The following RMDN2 variants were observed in gnomAD, a reference collection of about 807,000 sequenced individuals.
RMDN2 encodes the protein regulator of microtubule dynamics 2.
In RMDN2, 61 loss-of-function variants were observed where a neutral mutation model predicts 52.8. The observed-to-expected ratio is 1.16, with a 90% CI of 0.94 to 1.43. The LOEUF is 1.43. Ranked by LOEUF, RMDN2 falls within the 40% of genes most tolerant of loss-of-function variation. The probability of loss-of-function intolerance (pLI) is 0.00; values close to 1 mark genes in which losing one functional copy is unlikely to be tolerated. For synonymous variants in RMDN2, 180 were observed against 153.1 expected (o/e 1.18, Z -1.30); for missense variants, 592 against 475.3 (o/e 1.25, Z -2.28).
intron 5 of RMDN2, among the ~76,000 whole-genome samples, chr2:37,987,783 G>C (rs573820265): frequency 6.6e-6 from 1 of 152,306 alleles, no homozygotes; most frequent in Non-Finnish European, 1.5e-5. Context: ...AGTTGGCCAG[G>C]CACAGTGGCT....
intron 10 of RMDN2, among the ~76,000 whole-genome samples, chr2:38,014,642 G>A (rs985411101): frequency 2.0e-5 from 3 of 152,170 alleles, no homozygotes; most frequent in African/African-American, 4.8e-5. Context: ...CTTTAGCAGA[G>A]AGCATTGATG....
chr2:38,060,448 A>G (rs1682003466), intron 10 of RMDN2, among the ~76,000 whole-genome samples: 2 of 152,132 alleles, frequency 1.3e-5, no homozygotes, highest in African/African-American at 4.8e-5. Context: ...TTTCCTCAAT[A>G]TCAGTGCCAA....
intron 10 of RMDN2, among the ~76,000 whole-genome samples, chr2:38,064,145 T>C (rs922570827): frequency 1.3e-5 from 2 of 152,142 alleles, no homozygotes; most frequent in African/African-American, 2.4e-5. Context: ...GCTTTCTTCA[T>C]AGTGACTAAG....
chr2:38,005,672 A>T (rs906616114), intron 10 of RMDN2, among the ~76,000 whole-genome samples: 1 of 152,170 alleles, frequency 6.6e-6, no homozygotes, highest in African/African-American at 2.4e-5. Context: ...CTCTGTTGGT[A>T]GGTTCTTTTG....
intron 8 of RMDN2, among the ~76,000 whole-genome samples, chr2:38,002,131 T>A (rs1676403845): frequency 6.6e-6 from 1 of 152,234 alleles, no homozygotes; most frequent in South Asian, 2.1e-4. Flanking sequence ...GAATAAAATG[T>A]CTTTTACAAG....
chr2:38,022,330 T>TG (rs1428751954), downstream of RMDN2, among the ~76,000 whole-genome samples: 7 of 152,188 alleles, frequency 4.6e-5, no homozygotes, highest in Non-Finnish European at 1.0e-4. Flanking sequence ...AAGTGAGCCA[T>TG]GGGGAATCTC....
At chr2:37,977,218 A>T (rs925417562) in intron 4 of RMDN2, among the ~76,000 whole-genome samples, 6 of 152,254 alleles carry the variant, frequency 3.9e-5, no homozygotes, top group Non-Finnish European at 8.8e-5. Flanking sequence ...AGTACAGAAC[A>T]AAATGGAGTC....
At chr2:37,972,539 G>A (rs1215512783) in intron 2 of RMDN2, among the ~76,000 whole-genome samples, 1 of 152,132 alleles carries the variant, frequency 6.6e-6, no homozygotes, top group Non-Finnish European at 1.5e-5. Context: ...AAGGACTTAG[G>A]TTTTCACTCT....
At chr2:37,993,702 G>A (rs1675125960) in intron 7 of RMDN2, among the ~76,000 whole-genome samples, 2 of 140,098 alleles carry the variant, frequency 1.4e-5, no homozygotes, top group Admixed American at 7.6e-5. Flanking sequence ...CCTGAGCAGA[G>A]CAGAGAGCAG....
At position 37,929,422 on chromosome 2, in the gene RMDN2, T is replaced by G. The variant is rs916139251; in HGVS notation, c.145T>G (p.Phe49Val). ...LPEFLSLGNT[F>V]NSITLQDEIH... The stretch of plus-strand genomic sequence containing the variant: ...TGAATTTCTTTCTCTGGGTAATACA[T>G]TTAATTCAATAACTTTGCAAGATGA... The change falls in exon 2 of 11, where the codon TTT (phenylalanine) becomes GTT (valine). Residue 49 changes from phenylalanine to valine, a missense_variant. By Grantham distance (50) the Phe-to-Val change is conservative. Transcript: ENST00000354545. 18 of 1,551,488 alleles carry G rather than the reference T, an allele frequency of 1.2e-5. No homozygotes were observed. The highest frequency in any genetic ancestry group is 1.4e-5 in the Non-Finnish European group (16 of 1,146,888).
chr2:37,972,945 T>C (rs1400669840), intron 2 of RMDN2, among the ~76,000 whole-genome samples: 2 of 152,230 alleles, frequency 1.3e-5, no homozygotes, highest in African/African-American at 4.8e-5. Context: ...GTAAGGCATA[T>C]GAAAGAAATT....
intron 7 of RMDN2, among the ~76,000 whole-genome samples, chr2:37,993,415 A>G (rs1430851755): frequency 1.3e-5 from 2 of 152,144 alleles, no homozygotes; most frequent in Non-Finnish European, 2.9e-5. Flanking sequence ...GCATATGCAG[A>G]CTAGAGAACT....
At chr2:38,021,977 A>G (rs531489986), downstream of RMDN2, among the ~76,000 whole-genome samples, 54 of 152,340 alleles carry the variant, frequency 3.5e-4, no homozygotes, top group African/African-American at 1.1e-3. Flanking sequence ...CCTCTGTCCA[A>G]TCCAGTGAGG....
At chr2:37,981,669 T>A (rs1481831923) in intron 5 of RMDN2, among the ~76,000 whole-genome samples, 1 of 152,218 alleles carries the variant, frequency 6.6e-6, no homozygotes. Flanking sequence ...ATAGCATGTT[T>A]CTAAATGAAA....
At chr2:38,060,445 A>G (rs1342253632) in intron 10 of RMDN2, among the ~76,000 whole-genome samples, 1 of 152,112 alleles carries the variant, frequency 6.6e-6, no homozygotes, top group African/African-American at 2.4e-5. Flanking sequence ...TTTTTTCCTC[A>G]ATATCAGTGC....
chr2:38,026,598 C>T (rs1028445261), intron 10 of RMDN2, among the ~76,000 whole-genome samples: 2 of 151,778 alleles, frequency 1.3e-5, no homozygotes, highest in Non-Finnish European at 2.9e-5. Context: ...TACTTGTTTT[C>T]TCTTTTTCTT....
chr2:38,042,425 C>A lies in RMDN2; in HGVS notation c.1714-24557C>A, dbSNP rs201994339. On this transcript the variant is annotated intron_variant, in intron 10 of 10. Transcript: ENST00000234195. ...CCGCCACACACACACACACACACAC[C>A]ACACACACACACACACACCACACAC... Among the ~76,000 whole-genome samples, 617 of 19,498 alleles carry A rather than the reference C, an allele frequency of 0.032. 13 individuals carry two copies. The East Asian group carries it at 0.33, about 10-fold the overall frequency. The allele number at this position is 19,498 out of a possible 152,430, so 12.8% of individuals were successfully genotyped here.
At chr2:37,951,802 C>G (rs1300882180) in intron 2 of RMDN2, 1 of 1,613,430 alleles carries the variant, frequency 6.2e-7, no homozygotes, top group East Asian at 2.2e-5. Context: ...AACACTACTT[C>G]TCCAGCCTTT....
chr2:38,032,982 A>G (rs1446193490), intron 10 of RMDN2: 3 of 152,222 alleles, frequency 2.0e-5, no homozygotes, highest in Non-Finnish European at 4.4e-5. Flanking sequence ...TTTATAATAA[A>G]CTGCCAAACT....
Sources: gnomAD v4.1 joint callset for allele counts (sites outside exome capture counted in the v4.1 genomes callset) on GRCh38, gnomAD v4.1.1 for gene constraint, MANE v1.5 for transcripts, NCBI Gene and HGNC (gene_info 2026-07-23, HGNC 2026-07-21) for gene names.